Variants in TNFRSF1A observed in about 807,000 individuals in gnomAD.
TNFRSF1A encodes the protein TNF receptor superfamily member 1A.
Under a neutral mutation model 41.6 loss-of-function variants are expected in TNFRSF1A, and 9 were observed. That is an observed-to-expected ratio of 0.22 (90% CI 0.13 to 0.38). The LOEUF (loss-of-function observed/expected upper bound fraction) is 0.38. Among genes scored for constraint, TNFRSF1A ranks in the 10% least tolerant of loss-of-function variants. The pLI is 1.00. For missense variants in TNFRSF1A, 463 were observed against 591.5 expected, an observed-to-expected ratio of 0.78 and a Z score of 2.25; for synonymous variants, 254 against 248.6, an observed-to-expected ratio of 1.02 and a Z score of -0.21.
In TNFRSF1A at chr12:6,329,530, CGTG is replaced by C; in HGVS notation, c.1147_1149del (p.His383del). ...TTCTGCAGCTCCAGCCGATCGATCT[CGTG>C]GTCGCTCAGCCCTAGGCGCCGCACG... On this transcript the variant is annotated inframe_deletion, in exon 10 of 10. Coordinates refer to ENST00000162749, the MANE Select transcript of TNFRSF1A (RefSeq NM_001065.4). The C allele has an allele frequency of 6.3e-7, 1 of 1,594,718 alleles. No homozygotes were observed. Among genetic ancestry groups the C allele is most frequent in the South Asian group, 1.1e-5 (1 of 90,468 alleles).
rs199636425 is a variant in TNFRSF1A at position 6,329,423 on chromosome 12, C to T, written c.1257G>A (p.Glu419=). The part of the protein sequence containing the change: ...RRTPRREATL[E]LLGRVLRDMD... ...TGTCGCGGAGCACGCGTCCCAGCAG[C>T]TCCAGCGTGGCCTCGCGCCGCGGCG... is the stretch of plus-strand genomic sequence containing the variant. The change falls in exon 10 of 10, where the codon GAG becomes GAA. Residue 419 remains glutamate, a synonymous_variant. Coordinates refer to ENST00000162749, the MANE Select transcript of TNFRSF1A (RefSeq NM_001065.4). The T allele has an allele frequency of 2.2e-5, 35 of 1,582,732 alleles. No homozygotes were observed. Among genetic ancestry groups the T allele is most frequent in the Middle Eastern group, 1.7e-4 (1 of 6,040 alleles).
rs1364897715 is a variant in TNFRSF1A at position 6,334,493 on chromosome 12, C to T, written c.40-249G>A. On this transcript the variant is annotated intron_variant, in intron 1 of 9. Transcript: ENST00000162749. This position sits in a 1 kb window ranked among gnomAD's most constrained non-coding sequence, Gnocchi z 5.1. ...GTTCCCTCAACTCAAAGCTAGTAGG[C>T]CCCAGATCTAAGCTGTATTTTTTTT... 1.3e-5 allele frequency among the ~76,000 whole-genome samples: 2 copies of T among 151,820 alleles called. No individual in the cohort carries two copies. Among genetic ancestry groups the T allele is most frequent in the African/African-American group, 4.8e-5 (2 of 41,268 alleles).
At chr12:6,340,904 A>T (rs1948186632) in intron 1 of TNFRSF1A, among the ~76,000 whole-genome samples, 1 of 152,206 alleles carries the variant, frequency 6.6e-6, no homozygotes, top group Non-Finnish European at 1.5e-5. Flanking sequence ...CAGTGACGAA[A>T]ACAACTTTCT....
At chr12:6,332,219 C>G (rs776557278) in intron 5 of TNFRSF1A, among the ~76,000 whole-genome samples, 19 of 151,608 alleles carry the variant, frequency 1.3e-4, no homozygotes, top group African/African-American at 2.2e-4. Context: ...GGCGGAAGAT[C>G]GCTTGAGCCC....
rs1370252594 is a variant in TNFRSF1A, at chr12:6,331,959, C to T, written c.552-1033G>A. The T allele has an allele frequency of 1.5e-5, 3 of 195,360 alleles. No homozygotes were observed. The South Asian group carries it at 1.5e-4, about 10-fold the overall frequency. The allele number at this position is 195,360 out of a possible 1,614,324, so 12.1% of individuals were successfully genotyped here. ...GAGGTTGCAGTGAGCCGAGATCGCG[C>T]CACTGCATTCCAGCCTGGGCGACAG... On this transcript the variant is annotated intron_variant, in intron 5 of 9. Transcript: ENST00000162749.
At position 6,334,257 on chromosome 12, in the gene TNFRSF1A, C is replaced by A. The variant is rs534856029; in HGVS notation, c.40-13G>T. On this transcript the variant is annotated splice_polypyrimidine_tract_variant and intron_variant, in intron 1 of 9. Transcript: ENST00000162749. The surrounding 1 kb of genome is among the most constrained non-coding windows in gnomAD (Gnocchi z 5.1). ...GCTCCAGGAGCACCTGGGGAAGAAT[C>A]AGATAGAGGAGACACCATCAAGAGA... 1.9e-6 allele frequency: 3 copies of A among 1,610,928 alleles called. No individual in the cohort carries two copies. In the South Asian group the frequency reaches 3.3e-5, roughly 18 times the overall value.
Position 6,330,373 on chromosome 12 carries a change from G to A in TNFRSF1A, c.740-78C>T, listed in dbSNP as rs1190586903. On this transcript the variant is annotated intron_variant, in intron 7 of 9. Coordinates refer to ENST00000162749, the MANE Select transcript of TNFRSF1A (RefSeq NM_001065.4). ...GCACCCTGGACTCAGCTGGCAGTGG[G>A]GACTTGTGGTGACATGCCTCAGGGC... 5.6e-6 allele frequency: 8 copies of A among 1,417,054 alleles called. No individual in the cohort carries two copies. The African/African-American group carries it at 8.5e-5, about 15-fold the overall frequency. 87.8% of individuals were successfully genotyped at this position (1,417,054 alleles called of 1,614,324 possible).
rs763434565 is a variant in TNFRSF1A, at chr12:6,330,649, T to C, written c.688A>G (p.Ile230Val). Residue 230 changes from isoleucine to valine, a missense_variant, in exon 7 of 10, where the codon ATT becomes GTT. Physicochemically the swap from Ile to Val is conservative, Grantham distance 29 (BLOSUM62 3). Around this residue, in one of 4 missense-constraint regions of TNFRSF1A, gnomAD observed 149 missense variants for 239.4 expected, o/e 0.62. Coordinates refer to ENST00000162749, the MANE Select transcript of TNFRSF1A (RefSeq NM_001065.4). ...FGLCLLSLLFIGLMYRYQRWK... is the reference protein window; with the variant it reads ...FGLCLLSLLFVGLMYRYQRWK... ...CGTTGGTAGCGATACATTAAACCAA[T>C]GAAGAGGAGGGATAAAAGGCAAAGA... is the stretch of plus-strand genomic sequence containing the variant. The C allele has an allele frequency of 1.2e-6, 2 of 1,613,714 alleles. No individual in the cohort carries two copies. The highest frequency in any genetic ancestry group is 1.7e-5 in the Admixed American group (1 of 59,994).
rs200234803 is a variant in TNFRSF1A, at chr12:6,329,973, C to T, written c.862G>A (p.Val288Met). 8 of 1,586,458 alleles carry T rather than the reference C, an allele frequency of 5.0e-6. No homozygotes were observed. In the South Asian group the frequency reaches 6.8e-5, roughly 13 times the overall value. The change falls in exon 9 of 10, where the codon GTG becomes ATG. Residue 288 changes from valine to methionine, a missense_variant. Around this residue, in one of 4 missense-constraint regions of TNFRSF1A, gnomAD observed 277 missense variants for 288.8 expected, o/e 0.96. Coordinates refer to ENST00000162749, the MANE Select transcript of TNFRSF1A (RefSeq NM_001065.4). The part of the protein sequence containing the change: ...GFTPTLGFSP[V>M]PSSTFTSSST... The stretch of plus-strand genomic sequence containing the variant: ...CTGGAGGTGAAGGTGGAACTGGGCA[C>T]GGGACTGAAGCCCAGGGTGGGGGTG...
Position 6,333,593 on chromosome 12 carries a change from G to A in TNFRSF1A, c.323-77C>T, listed in dbSNP as rs992988448. 1.9e-6 allele frequency: 3 copies of A among 1,603,740 alleles called. No homozygotes were observed. The highest frequency in any genetic ancestry group is 2.7e-5 in the African/African-American group (2 of 74,686). The stretch of plus-strand genomic sequence containing the variant: ...TCCCCTTCCTGACATACCCCTAAGT[G>A]TGTGTCTCTGTAATACACACTCACA... On this transcript the variant is annotated intron_variant, in intron 3 of 9. Coordinates refer to ENST00000162749, the MANE Select transcript of TNFRSF1A (RefSeq NM_001065.4). This position sits in a 1 kb window ranked among gnomAD's most constrained non-coding sequence, Gnocchi z 6.3.
chr12:6,336,829 A>G (rs1445348837), intron 1 of TNFRSF1A, among the ~76,000 whole-genome samples: 83 of 152,242 alleles, frequency 5.5e-4, no homozygotes, highest in Non-Finnish European at 1.5e-5. Context: ...CCCAGCAGGA[A>G]GCAAGCCAAG....
rs104895288 is a variant in TNFRSF1A at position 6,333,405 on chromosome 12, T to C, written c.434A>G (p.Asn145Ser). The C allele has an allele frequency of 9.3e-5, 150 of 1,613,848 alleles. No homozygotes were observed. The highest frequency in any genetic ancestry group is 3.3e-4 in the Middle Eastern group (2 of 6,084). ...YWSENLFQCFNCSLCLNGTVH... is the reference protein window; with the variant it reads ...YWSENLFQCFSCSLCLNGTVH... ...GGTCCCATTGAGGCAGAGGCTGCAA[T>C]TGAAGCACTGGAAAAGGTTTTCACT... The change falls in exon 4 of 10, where the codon AAT becomes AGT. Residue 145 changes from asparagine to serine, a missense_variant. Coordinates refer to ENST00000162749, the MANE Select transcript of TNFRSF1A (RefSeq NM_001065.4). This position sits in a 1 kb window ranked among gnomAD's most constrained non-coding sequence, Gnocchi z 6.3.
chr12:6,337,891 A>G lies in TNFRSF1A; in HGVS notation c.40-3647T>C, dbSNP rs940947702. Among the ~76,000 whole-genome samples the G allele has an allele frequency of 1.3e-5, 2 of 152,142 alleles. No homozygotes were observed. The highest frequency in any genetic ancestry group is 1.5e-5 in the Non-Finnish European group (1 of 68,024). On this transcript the variant is annotated intron_variant, in intron 1 of 9. Transcript: ENST00000162749. The surrounding 1 kb of genome is among the most constrained non-coding windows in gnomAD (Gnocchi z 4.6). ...GATCAACTGATCGATCTAATGATAC[A>G]TCTGTCTTCCACTCTAGTAGAAGCC...
At position 6,334,501 on chromosome 12, in the gene TNFRSF1A, C is replaced by T. The variant is rs544671271; in HGVS notation, c.40-257G>A. ...AACTCAAAGCTAGTAGGCCCCAGAT[C>T]TAAGCTGTATTTTTTTTTTTTTAGG... On this transcript the variant is annotated intron_variant, in intron 1 of 9. Transcript: ENST00000162749. This position sits in a 1 kb window ranked among gnomAD's most constrained non-coding sequence, Gnocchi z 5.1. Among the ~76,000 whole-genome samples the T allele has an allele frequency of 9.9e-5, 15 of 151,776 alleles. No individual in the cohort carries two copies. The highest frequency in any genetic ancestry group is 2.9e-4 in the African/African-American group (12 of 41,302).
intron 9 of TNFRSF1A, 28 bp downstream of exon 9, chr12:6,329,750 C>T: frequency 2.5e-6 from 4 of 1,586,368 alleles, no homozygotes; most frequent in Non-Finnish European, 3.4e-6. Context: ...CCCCAGCCTC[C>T]TCGTCTCCAG....
At position 6,329,629 on chromosome 12, in the gene TNFRSF1A, G is replaced by T; in HGVS notation, c.1058-7C>A. The T allele has an allele frequency of 6.3e-7, 1 of 1,591,634 alleles. No individual in the cohort carries two copies. Among genetic ancestry groups the T allele is most frequent in the East Asian group, 2.3e-5 (1 of 44,306 alleles). On this transcript the variant is annotated splice_polypyrimidine_tract_variant and splice_region_variant and intron_variant, in intron 9 of 9. Coordinates refer to ENST00000162749, the MANE Select transcript of TNFRSF1A (RefSeq NM_001065.4). ...AGCGTCGCGGGGTCATCAGCTGCGG[G>T]GACGCGGGCCGGTGAGCCTCGGGCG...
In TNFRSF1A at chr12:6,337,433, G is replaced by A. The variant is rs535177338; in HGVS notation, c.40-3189C>T. On this transcript the variant is annotated intron_variant, in intron 1 of 9. Transcript: ENST00000162749. The surrounding 1 kb of genome is among the most constrained non-coding windows in gnomAD (Gnocchi z 4.6). Reference sequence around the variant, plus strand: ...CTGCAGAGTGGGGAGGCGACGCTGAGATCGGCCTTGTGGTCTGACCCCGAT... The same window carrying A: ...CTGCAGAGTGGGGAGGCGACGCTGAAATCGGCCTTGTGGTCTGACCCCGAT... 6.6e-6 allele frequency among the ~76,000 whole-genome samples: 1 copy of A among 152,302 alleles called. No homozygotes were observed. The highest frequency in any genetic ancestry group is 1.5e-5 in the Non-Finnish European group (1 of 68,032).
rs1948135908 is a variant in TNFRSF1A at position 6,337,436 on chromosome 12, CG to C, written c.40-3193del. Reference sequence around the variant, plus strand: ...CAGAGTGGGGAGGCGACGCTGAGATCGGCCTTGTGGTCTGACCCCGATCCAG... The same window carrying C: ...CAGAGTGGGGAGGCGACGCTGAGATCGCCTTGTGGTCTGACCCCGATCCAG... On this transcript the variant is annotated intron_variant, in intron 1 of 9. Transcript: ENST00000162749. The surrounding 1 kb of genome is among the most constrained non-coding windows in gnomAD (Gnocchi z 4.6). 6.6e-6 allele frequency among the ~76,000 whole-genome samples: 1 copy of C among 152,176 alleles called. No individual in the cohort carries two copies. Among genetic ancestry groups the C allele is most frequent in the Admixed American group, 6.5e-5 (1 of 15,280 alleles).
chr12:6,329,910 C>T lies in TNFRSF1A; in HGVS notation c.925G>A (p.Ala309Thr), dbSNP rs1948016591. Reference sequence around the variant, plus strand: ...GGTGGTGCCACCTCTCTGCGGGGAGCCGCAAAGTTGGGACAGTCACCGGGG... The same window carrying T: ...GGTGGTGCCACCTCTCTGCGGGGAGTCGCAAAGTTGGGACAGTCACCGGGG... ...YTPGDCPNFAAPRREVAPPYQ... is the reference protein window; with the variant it reads ...YTPGDCPNFATPRREVAPPYQ... The change falls in exon 9 of 10, where the codon GCT becomes ACT. Residue 309 changes from alanine (A) to threonine (T), a missense_variant. This residue lies in a region of TNFRSF1A where 277 missense variants were observed against 288.8 expected (regional missense o/e 0.96). Coordinates refer to ENST00000162749, the MANE Select transcript of TNFRSF1A (RefSeq NM_001065.4). 1.9e-6 allele frequency: 3 copies of T among 1,573,880 alleles called. No homozygotes were observed. The South Asian group carries it at 3.4e-5, about 18-fold the overall frequency.
Sources: gnomAD v4.1 joint callset for allele counts (sites outside exome capture counted in the v4.1 genomes callset) on GRCh38, gnomAD v4.1.1 for gene constraint, gnomAD v4.1.1 regional missense constraint, Gnocchi (gnomAD v3.1) non-coding constraint, MANE v1.5 for transcripts, NCBI Gene and HGNC (gene_info 2026-07-23, HGNC 2026-07-21) for gene names.